LRRTM4: variants seen among roughly 807,000 people sequenced by gnomAD.
LRRTM4 encodes the protein leucine-rich repeat transmembrane neuronal protein 4.
LRRTM4 carries 25 observed loss-of-function variants against 47.6 expected under a neutral mutation model. The observed-to-expected ratio is 0.53, with a 90% confidence interval of 0.38 to 0.73. LRRTM4 has a LOEUF of 0.73. Among genes scored for constraint, LRRTM4 ranks in the 30% least tolerant of loss-of-function variants. LRRTM4 has a pLI of 0.00. For missense variants in LRRTM4, 638 were observed against 713.4 expected (o/e 0.89, Z 1.20); for synonymous variants, 311 against 269.5 (o/e 1.15, Z -1.51).
rs148963828 is a variant in LRRTM4, at chr2:76,801,702, A to G, written c.1552-52786T>C. Among the ~76,000 whole-genome samples the G allele has an allele frequency of 1.1e-3, 162 of 152,254 alleles. 1 individual carries two copies. The highest frequency in any genetic ancestry group is 9.1e-4 in the Non-Finnish European group (62 of 68,008). ...AAAGTACAGGTTAACATCCCTGGTG[A>G]ACATGTATGAAAAATCCTCAGCAAA... On this transcript the variant is annotated intron_variant, in intron 3 of 3. Transcript: ENST00000409884.
chr2:76,784,954 C>T (rs914928427), intron 3 of LRRTM4, among the ~76,000 whole-genome samples: 1 of 152,076 alleles, frequency 6.6e-6, no homozygotes, highest in Non-Finnish European at 1.5e-5. Flanking sequence ...TGGCAGATTG[C>T]ACTTCAGAAT....
At chr2:77,181,626 GTAATT>G (rs1215096692) in intron 3 of LRRTM4, among the ~76,000 whole-genome samples, 1 of 152,070 alleles carries the variant, frequency 6.6e-6, no homozygotes, top group African/African-American at 2.4e-5. Context: ...AAATGAAGTG[GTAATT>G]TAAACACAAG....
At chr2:77,436,641 G>C (rs940668430) in intron 3 of LRRTM4, among the ~76,000 whole-genome samples, 1 of 151,356 alleles carries the variant, frequency 6.6e-6, no homozygotes, top group Non-Finnish European at 1.5e-5. Context: ...GATTTAAATG[G>C]GTGACAACTC....
At chr2:77,236,667 G>A (rs1212995453) in intron 3 of LRRTM4, among the ~76,000 whole-genome samples, 1 of 152,044 alleles carries the variant, frequency 6.6e-6, no homozygotes, top group East Asian at 1.9e-4. Context: ...GTTTGTCATA[G>A]ATGGCTCTTA....
chr2:77,500,821 G>T (rs1678546165), intron 3 of LRRTM4, among the ~76,000 whole-genome samples: 1 of 151,450 alleles, frequency 6.6e-6, no homozygotes, highest in Non-Finnish European at 1.5e-5. Flanking sequence ...TACCACTAGA[G>T]AATCATTTTA....
chr2:77,019,709 AC>A (rs1204739842), intron 3 of LRRTM4, among the ~76,000 whole-genome samples: 1 of 152,128 alleles, frequency 6.6e-6, no homozygotes, highest in Non-Finnish European at 1.5e-5. Flanking sequence ...GACAGACTAA[AC>A]TTGGTTATAA....
chr2:76,977,141 T>C (rs1486437400), intron 3 of LRRTM4, among the ~76,000 whole-genome samples: 1 of 151,516 alleles, frequency 6.6e-6, no homozygotes, highest in Non-Finnish European at 1.5e-5. Flanking sequence ...TTACTTCTGC[T>C]TGAATATTAA....
intron 3 of LRRTM4, among the ~76,000 whole-genome samples, chr2:76,933,239 ACAAT>A (rs1674832543): frequency 1.3e-5 from 2 of 152,110 alleles, no homozygotes; most frequent in African/African-American, 4.8e-5. Context: ...TTGTTTCTAA[ACAAT>A]CAATAAAATT....
chr2:76,827,467 T>C (rs947387227), intron 3 of LRRTM4, among the ~76,000 whole-genome samples: 7 of 151,826 alleles, frequency 4.6e-5, no homozygotes, highest in Admixed American at 2.0e-4. Context: ...GCTACACTGT[T>C]TCCTGTGAAT....
chr2:77,413,231 A>T (rs1324600679), intron 3 of LRRTM4, among the ~76,000 whole-genome samples: 1 of 152,076 alleles, frequency 6.6e-6, no homozygotes, highest in African/African-American at 2.4e-5. Flanking sequence ...CTAAAACGAA[A>T]TTTGTTGCTT....
intron 3 of LRRTM4, among the ~76,000 whole-genome samples, chr2:77,480,351 T>C (rs1369886601): frequency 6.6e-6 from 1 of 152,204 alleles, no homozygotes; most frequent in Non-Finnish European, 1.5e-5. Flanking sequence ...AGGCATTCAC[T>C]CTTCATTAGA....
Position 76,796,233 on chromosome 2 carries a change from CTGGGGGAGGG to C in LRRTM4, c.1552-47327_1552-47318del, listed in dbSNP as rs1224401152. Reference sequence around the variant, plus strand: ...ATCAAACTGCAAGGCGGCAGCCAGGCTGGGGGAGGGGTGCCCGCCATTGAACAGGCTTGAT... The same window carrying C: ...ATCAAACTGCAAGGCGGCAGCCAGGCGTGCCCGCCATTGAACAGGCTTGAT... On this transcript the variant is annotated intron_variant, in intron 3 of 3. Transcript: ENST00000409884. 3.0e-4 allele frequency among the ~76,000 whole-genome samples: 24 copies of C among 79,490 alleles called. 2 individuals carry two copies. The South Asian group carries it at 4.1e-3, about 14-fold the overall frequency. 52.1% of individuals were successfully genotyped at this position (79,490 alleles called of 152,430 possible). A position where few individuals can be genotyped will look rare whatever the true frequency, so the allele number is the denominator to read the frequency against.
At chr2:76,794,434 G>T (rs894850554) in intron 3 of LRRTM4, among the ~76,000 whole-genome samples, 1 of 152,136 alleles carries the variant, frequency 6.6e-6, no homozygotes, top group African/African-American at 2.4e-5. Flanking sequence ...AGATATTCCA[G>T]CTATTTTGTT....
intron 3 of LRRTM4, among the ~76,000 whole-genome samples, chr2:77,308,017 T>G (rs13431950): frequency 7.1e-6 from 1 of 140,374 alleles, no homozygotes; most frequent in Non-Finnish European, 1.5e-5. Flanking sequence ...ATGTTACATA[T>G]TATATATTAT....
chr2:76,918,965 G>A (rs1674343896), intron 3 of LRRTM4, among the ~76,000 whole-genome samples: 1 of 152,162 alleles, frequency 6.6e-6, no homozygotes, highest in African/African-American at 2.4e-5. Context: ...CCTGGTTACG[G>A]TTTATTGCAG....
At chr2:77,193,155 A>T (rs1673720627) in intron 3 of LRRTM4, among the ~76,000 whole-genome samples, 1 of 152,182 alleles carries the variant, frequency 6.6e-6, no homozygotes, top group Non-Finnish European at 1.5e-5. Flanking sequence ...AATTGCCTAC[A>T]GTATTTAATA....
In LRRTM4 at chr2:77,435,042, T is replaced by C. The variant is rs79254344; in HGVS notation, c.1551+83276A>G. Among the ~76,000 whole-genome samples, 522 of 152,206 alleles carry C rather than the reference T, an allele frequency of 3.4e-3. 4 individuals carry two copies. Among genetic ancestry groups the C allele is most frequent in the Middle Eastern group, 0.017 (5 of 294 alleles). On this transcript the variant is annotated intron_variant, in intron 3 of 3. Coordinates refer to ENST00000409884, the MANE Select transcript of LRRTM4 (RefSeq NM_001134745.3). ...GTTCTCAATTGTTTGTCCTATGCAT[T>C]GTAGGATGTTTAGCAACATGCCTAG...
chr2:76,941,469 CT>C (rs983703349), intron 3 of LRRTM4, among the ~76,000 whole-genome samples: 2 of 152,006 alleles, frequency 1.3e-5, no homozygotes, highest in African/African-American at 4.8e-5. Flanking sequence ...CCCCTTGCCC[CT>C]AATCCCCCAA....
chr2:76,927,645 A>C (rs1182827959), intron 3 of LRRTM4, among the ~76,000 whole-genome samples: 1 of 152,194 alleles, frequency 6.6e-6, no homozygotes, highest in Non-Finnish European at 1.5e-5. Context: ...TGGAATCCTA[A>C]TTAACAAACT....
Sources: gnomAD v4.1 joint callset for allele counts (sites outside exome capture counted in the v4.1 genomes callset) on GRCh38, gnomAD v4.1.1 for gene constraint, MANE v1.5 for transcripts, NCBI Gene and HGNC (gene_info 2026-07-23, HGNC 2026-07-21) for gene names.